The following IFT80 variants were observed in gnomAD, a reference collection of about 807,000 sequenced individuals.
IFT80 encodes the protein intraflagellar transport protein 80 homolog.
Under a neutral mutation model 107.9 loss-of-function variants are expected in IFT80, and 79 were observed. The observed-to-expected ratio is 0.73, with a 90% CI of 0.61 to 0.88. IFT80 has a LOEUF of 0.88. Ranked by LOEUF, IFT80 falls within the 40% of genes least tolerant of loss-of-function variation. The probability of loss-of-function intolerance (pLI) is 0.00; values close to 1 mark genes in which losing one functional copy is unlikely to be tolerated. For synonymous variants in IFT80, 299 were observed against 300.9 expected, an observed-to-expected ratio of 0.99 and a Z score of 0.07; for missense variants, 797 against 914.2, an observed-to-expected ratio of 0.87 and a Z score of 1.65.
intron 5 of IFT80, among the ~76,000 whole-genome samples, chr3:160,368,592 T>C (rs1406290478): frequency 6.6e-6 from 1 of 151,798 alleles, no homozygotes; most frequent in Admixed American, 6.6e-5. Context: ...TGACCTGTAC[T>C]TCAAAAATAA....
intron 19 of IFT80, among the ~76,000 whole-genome samples, chr3:160,260,160 T>G (rs1056174694): frequency 6.6e-6 from 1 of 152,226 alleles, no homozygotes; most frequent in Non-Finnish European, 1.5e-5. Context: ...CAATGCCATA[T>G]ACTTATGTAT....
At chr3:160,281,387 T>C (rs896830573) in intron 14 of IFT80, among the ~76,000 whole-genome samples, 48 of 152,060 alleles carry the variant, frequency 3.2e-4, no homozygotes, top group Admixed American at 4.6e-4. Context: ...ATTTTCCCCA[T>C]AGAATTGGGG....
intron 12 of IFT80, among the ~76,000 whole-genome samples, chr3:160,298,058 A>C (rs1395398594): frequency 3.9e-5 from 6 of 152,160 alleles, no homozygotes; most frequent in Admixed American, 3.9e-4. Flanking sequence ...AGGGAGAAGA[A>C]GGCAGGCAAA....
chr3:160,268,297 C>A (rs919051681), intron 19 of IFT80, 116 bp downstream of exon 19: 18 of 926,578 alleles, frequency 1.9e-5, no homozygotes, highest in Non-Finnish European at 3.0e-5. Flanking sequence ...AAAAGTAATT[C>A]TTTTAGAGGT....
At position 160,301,006 on chromosome 3, in the gene IFT80, A is replaced by T; in HGVS notation, c.1192T>A (p.Ser398Thr). Reference sequence around the variant, plus strand: ...GATGAAATAAAGCGCCCTTCATATGAATATAAATAGATACTACTACCATCT... The same window carrying T: ...GATGAAATAAAGCGCCCTTCATATGTATATAAATAGATACTACTACCATCT... ...LVDGSSIYLY[S>T]YEGRFISSPK... The change falls in exon 12 of 20, where the codon TCA becomes ACA. Residue 398 changes from serine to threonine, a missense_variant. Ser to Thr is a moderately conservative substitution (Grantham distance 58, BLOSUM62 1). Transcript: ENST00000326448. The T allele has an allele frequency of 6.3e-7, 1 of 1,597,102 alleles. No homozygotes were observed. Among genetic ancestry groups the T allele is most frequent in the Non-Finnish European group, 8.6e-7 (1 of 1,167,882 alleles).
chr3:160,373,630 G>T (rs1473384479), intron 5 of IFT80: 2 of 168,968 alleles, frequency 1.2e-5, no homozygotes, highest in Admixed American at 1.2e-4. Flanking sequence ...CATAGAATCA[G>T]TGGGAGCCCT....
intron 8 of IFT80, among the ~76,000 whole-genome samples, chr3:160,347,314 G>C (rs537422434): frequency 6.6e-6 from 1 of 152,210 alleles, no homozygotes; most frequent in Admixed American, 6.5e-5. Flanking sequence ...CTGGTTGCTA[G>C]TGGTTTTTTT....
In IFT80 at chr3:160,268,408, C is replaced by T; in HGVS notation, c.2223+5G>A. Reference sequence around the variant, plus strand: ...TATTATTATACAAAATTGTGAAATACTTACACCTTCTGCATAATGCAAGTA... The same window carrying T: ...TATTATTATACAAAATTGTGAAATATTTACACCTTCTGCATAATGCAAGTA... On this transcript the variant is annotated splice_donor_5th_base_variant and intron_variant, in intron 19 of 19. Coordinates refer to ENST00000326448, the MANE Select transcript of IFT80 (RefSeq NM_020800.3). The T allele has an allele frequency of 1.9e-6, 3 of 1,610,692 alleles. No individual in the cohort carries two copies. Among genetic ancestry groups the T allele is most frequent in the Non-Finnish European group, 2.5e-6 (3 of 1,177,164 alleles).
chr3:160,365,991 G>A, intron 6 of IFT80, 52 bp downstream of exon 6: 2 of 1,388,044 alleles, frequency 1.4e-6, no homozygotes, highest in South Asian at 1.2e-5. Context: ...GTGCCCTCTA[G>A]TTTAGCAGTC....
intron 9 of IFT80, among the ~76,000 whole-genome samples, chr3:160,315,326 T>G (rs1027635296): frequency 6.6e-5 from 10 of 152,172 alleles, no homozygotes; most frequent in African/African-American, 2.4e-4. Context: ...GTCTTGTCTT[T>G]CTCCCATACC....
chr3:160,352,656 A>T (rs1720797507), intron 8 of IFT80, among the ~76,000 whole-genome samples: 1 of 152,172 alleles, frequency 6.6e-6, no homozygotes, highest in Non-Finnish European at 1.5e-5. Flanking sequence ...TATTTTTGCA[A>T]TACCCAGGTG....
intron 6 of IFT80, among the ~76,000 whole-genome samples, chr3:160,365,052 T>C (rs1308582165): frequency 6.6e-6 from 1 of 151,672 alleles, no homozygotes; most frequent in Non-Finnish European, 1.5e-5. Flanking sequence ...ACTAAAGGTA[T>C]AAACTAAAAG....
intron 8 of IFT80, among the ~76,000 whole-genome samples, chr3:160,336,468 T>A (rs1402192028): frequency 6.6e-6 from 1 of 152,134 alleles, no homozygotes; most frequent in South Asian, 2.1e-4. Flanking sequence ...AGAAAAAATA[T>A]ACAAAATATA....
At chr3:160,384,395 G>T in intron 2 of IFT80, 169 bp downstream of exon 2, 1 of 1,277,182 alleles carries the variant, frequency 7.8e-7, no homozygotes. Flanking sequence ...TCACTTTGGA[G>T]AATTACTTAC....
At chr3:160,268,988 G>C (rs1371152058) in intron 18 of IFT80, among the ~76,000 whole-genome samples, 2 of 152,044 alleles carry the variant, frequency 1.3e-5, no homozygotes, top group East Asian at 3.9e-4. Context: ...CAGCACTTTG[G>C]GAGGCCAAGG....
chr3:160,304,962 T>C (rs952485325), intron 10 of IFT80, among the ~76,000 whole-genome samples: 1 of 152,166 alleles, frequency 6.6e-6, no homozygotes, highest in Non-Finnish European at 1.5e-5. Context: ...TTCTGTAAAC[T>C]CTAAAATACT....
chr3:160,380,353 C>G (rs1712378683), intron 3 of IFT80, among the ~76,000 whole-genome samples: 1 of 152,036 alleles, frequency 6.6e-6, no homozygotes, highest in Non-Finnish European at 1.5e-5. Flanking sequence ...ATGACCCAAG[C>G]TCATTAAGGG....
chr3:160,333,141 AG>A (rs940502118), intron 8 of IFT80, among the ~76,000 whole-genome samples: 1 of 152,252 alleles, frequency 6.6e-6, no homozygotes, highest in Non-Finnish European at 1.5e-5. Context: ...AACACAAAAA[AG>A]GTATAATAAA....
In IFT80 at chr3:160,337,398, G is replaced by C. The variant is rs557224635; in HGVS notation, c.778-17459C>G. Among the ~76,000 whole-genome samples the C allele has an allele frequency of 1.6e-4, 24 of 152,306 alleles. No individual in the cohort carries two copies. In the East Asian group the frequency reaches 2.7e-3, roughly 17 times the overall value. On this transcript the variant is annotated intron_variant, in intron 8 of 19. Transcript: ENST00000326448. ...CCCAGCACTGTGGGAGGCTGAGGCA[G>C]GTGGATCATGAGGTCAGGAGTTCAA...
Sources: allele counts gnomAD v4.1 joint callset (sites outside exome capture counted in the v4.1 genomes callset), GRCh38; gene constraint gnomAD v4.1.1; transcripts MANE v1.5; gene names NCBI Gene and HGNC (gene_info 2026-07-23, HGNC 2026-07-21).